ZNF148: variants seen among roughly 807,000 people sequenced by gnomAD.
The protein encoded by ZNF148 is zinc finger protein 148.
Under a neutral mutation model 67.7 loss-of-function variants are expected in ZNF148, and 7 were observed. The observed-to-expected ratio is 0.10, with a 90% confidence interval of 0.06 to 0.19. ZNF148 has a LOEUF of 0.19. Among genes scored for constraint, ZNF148 ranks in the 10% least tolerant of loss-of-function variants. The pLI is 1.00. For synonymous variants in ZNF148, 333 were observed against 330.7 expected (o/e 1.01, Z -0.08); for missense variants, 583 against 947.1 (o/e 0.62, Z 5.05).
At chr3:125,346,662 A>T (rs1364095326) in intron 1 of ZNF148, among the ~76,000 whole-genome samples, 2 of 152,152 alleles carry the variant, frequency 1.3e-5, no homozygotes, top group African/African-American at 4.8e-5. Context: ...AGCAACTGGC[A>T]TTTCCACTAC....
intron 4 of ZNF148, among the ~76,000 whole-genome samples, chr3:125,293,345 A>C (rs1436967451): frequency 6.6e-6 from 1 of 152,148 alleles, no homozygotes; most frequent in Non-Finnish European, 1.5e-5. Flanking sequence ...TGTTGTGTGC[A>C]TGTGTGGGTT....
rs141985573 is a variant in ZNF148, at chr3:125,329,489, G to A, written c.-153+1669C>T. ...CGATTCTTCTGCCTCAGCCTCCCGA[G>A]TAGCTGGGGTAACAGGCACCCACCT... On this transcript the variant is annotated intron_variant, in intron 2 of 8. Transcript: ENST00000360647. Among the ~76,000 whole-genome samples the A allele has an allele frequency of 9.3e-5, 14 of 151,334 alleles. No individual in the cohort carries two copies. The East Asian group carries it at 2.7e-3, about 29-fold the overall frequency.
At chr3:125,279,315 T>TA (rs1327401337) in intron 5 of ZNF148, 68 bp from the exon 6 acceptor site, 43 of 1,290,610 alleles carry the variant, frequency 3.3e-5, no homozygotes, top group South Asian at 8.6e-5. Flanking sequence ...ATAGTAATTT[T>TA]AAAAAAAAGA....
chr3:125,335,681 T>C (rs1941460851), intron 1 of ZNF148, among the ~76,000 whole-genome samples: 1 of 152,228 alleles, frequency 6.6e-6, no homozygotes, highest in Non-Finnish European at 1.5e-5. Context: ...TCAGAAAAGC[T>C]ACAAAAACTG....
At chr3:125,332,246 T>C (rs1427569885) in intron 1 of ZNF148, among the ~76,000 whole-genome samples, 2 of 152,146 alleles carry the variant, frequency 1.3e-5, no homozygotes, top group Admixed American at 1.3e-4. Context: ...ACAAAAAAAA[T>C]CTATTTTAAA....
At chr3:125,245,154 A>C (rs891201623) in intron 7 of ZNF148, among the ~76,000 whole-genome samples, 12 of 152,070 alleles carry the variant, frequency 7.9e-5, no homozygotes, top group Non-Finnish European at 1.3e-4. Flanking sequence ...ATATCCCACA[A>C]TAAACTTAGG....
At chr3:125,304,156 C>A (rs1939745811) in intron 4 of ZNF148, among the ~76,000 whole-genome samples, 2 of 152,028 alleles carry the variant, frequency 1.3e-5, no homozygotes, top group Non-Finnish European at 2.9e-5. Flanking sequence ...GTGTCAGATA[C>A]CAGACAGAAG....
chr3:125,344,325 T>G (rs1941855229), intron 1 of ZNF148: 2 of 531,716 alleles, frequency 3.8e-6, no homozygotes, highest in African/African-American at 3.8e-5. Context: ...ATGAAACAAA[T>G]CTTGTATCAA....
chr3:125,365,764 G>A (rs1254549857), intron 1 of ZNF148, among the ~76,000 whole-genome samples: 4 of 152,194 alleles, frequency 2.6e-5, no homozygotes, highest in Admixed American at 2.0e-4. Flanking sequence ...GCTGCAGTGA[G>A]CTGCTGCGTT....
intron 6 of ZNF148, 57 bp from the exon 7 acceptor site, chr3:125,277,866 T>C: frequency 7.0e-7 from 1 of 1,437,754 alleles, no homozygotes; most frequent in Non-Finnish European, 9.4e-7. Flanking sequence ...GGTTTTTAGT[T>C]ACTGTTTCTG....
intron 7 of ZNF148, among the ~76,000 whole-genome samples, chr3:125,259,905 A>G (rs1560120838): frequency 6.6e-6 from 1 of 152,190 alleles, no homozygotes; most frequent in Admixed American, 6.5e-5. Flanking sequence ...CTTTTGACTT[A>G]AAGTGAGAGG....
At chr3:125,284,532 T>A (rs1442393269) in intron 5 of ZNF148, among the ~76,000 whole-genome samples, 2 of 152,082 alleles carry the variant, frequency 1.3e-5, no homozygotes, top group Non-Finnish European at 2.9e-5. Flanking sequence ...GGGAGAGCCC[T>A]AAAATCTCTG....
Position 125,316,858 on chromosome 3 carries a change from AT to A in ZNF148, c.-16-3203del, listed in dbSNP as rs376167279. 3.3e-5 allele frequency among the ~76,000 whole-genome samples: 5 copies of A among 152,172 alleles called. No homozygotes were observed. In the East Asian group the frequency reaches 9.6e-4, roughly 29 times the overall value. On this transcript the variant is annotated intron_variant, in intron 3 of 8. Transcript: ENST00000360647. ...TGCAGAAGATTTTTAGCTCGATGTG[AT>A]TTTTTTAAATTAATCTTATGCCTAG...
chr3:125,288,360 C>T (rs1270926612), intron 4 of ZNF148, 132 bp from the exon 5 acceptor site: 4 of 902,336 alleles, frequency 4.4e-6, no homozygotes, highest in South Asian at 3.6e-5. Context: ...GTGTGTGTGT[C>T]CTAACTATAT....
intron 5 of ZNF148, among the ~76,000 whole-genome samples, chr3:125,287,196 G>A (rs1251052569): frequency 3.9e-5 from 6 of 152,074 alleles, no homozygotes; most frequent in Admixed American, 3.3e-4. Context: ...TCATATTACA[G>A]TATGATCTTT....
chr3:125,371,378 G>A lies in ZNF148; in HGVS notation c.-234+3724C>T, dbSNP rs1336126689. Among the ~76,000 whole-genome samples the A allele has an allele frequency of 2.4e-3, 309 of 128,324 alleles. 5 individuals carry two copies. Among genetic ancestry groups the A allele is most frequent in the Non-Finnish European group, 4.2e-3 (231 of 55,624 alleles). 84.2% of individuals were successfully genotyped at this position (128,324 alleles called of 152,430 possible). A position where few individuals can be genotyped will look rare whatever the true frequency, so the allele number is the denominator to read the frequency against. ...TTTCAAAAAAAAAAAAAAAAGGGGG[G>A]GGGGGGGGCAGGGCGAAGTGGCTCA... On this transcript the variant is annotated intron_variant, in intron 1 of 8. Coordinates refer to ENST00000360647, the MANE Select transcript of ZNF148 (RefSeq NM_021964.3).
intron 4 of ZNF148, among the ~76,000 whole-genome samples, chr3:125,312,235 A>G (rs553090001): frequency 9.2e-5 from 14 of 152,344 alleles, no homozygotes; most frequent in African/African-American, 3.4e-4. Context: ...TATATACCAC[A>G]AACAAGCAGG....
At chr3:125,287,985 T>C in intron 5 of ZNF148, 118 bp downstream of exon 5, 1 of 1,450,262 alleles carries the variant, frequency 6.9e-7, no homozygotes, top group Non-Finnish European at 9.4e-7. Flanking sequence ...CACCCCCTCC[T>C]ACTAAACCAC....
intron 1 of ZNF148, among the ~76,000 whole-genome samples, chr3:125,367,880 T>C (rs958039200): frequency 2.0e-5 from 3 of 152,194 alleles, no homozygotes; most frequent in Non-Finnish European, 2.9e-5. Flanking sequence ...CATAGTTGTT[T>C]CAGGGGGCTC....
Sources: gnomAD v4.1 joint callset for allele counts (sites outside exome capture counted in the v4.1 genomes callset) on GRCh38, gnomAD v4.1.1 for gene constraint, MANE v1.5 for transcripts, NCBI Gene and HGNC (gene_info 2026-07-23, HGNC 2026-07-21) for gene names.